The following HAUS8 variants were observed in gnomAD, a reference collection of about 807,000 sequenced individuals.
HAUS8 encodes the protein HAUS augmin like complex subunit 8, also known as HAUS augmin-like complex subunit 8.
In HAUS8, 38 loss-of-function variants were observed where a neutral mutation model predicts 42.9. The observed-to-expected ratio is 0.89, with a 90% CI of 0.68 to 1.16. HAUS8 has a LOEUF of 1.16. Among genes scored for constraint, HAUS8 ranks in the 50% most tolerant of loss-of-function variants. The pLI, the probability that HAUS8 is intolerant of heterozygous loss-of-function variation, is 0.00. For missense variants in HAUS8, 494 were observed against 511.6 expected (o/e 0.97, Z 0.33); for synonymous variants, 199 against 205.8 (o/e 0.97, Z 0.28).
At chr19:17,056,023 CAG>C (rs2057324126) in intron 8 of HAUS8, 21 bp from the exon 9 acceptor site, 2 of 1,613,354 alleles carry the variant, frequency 1.2e-6, no homozygotes, top group East Asian at 2.2e-5. Context: ...AAGGGATAAT[CAG>C]GGGAGACCCT....
At chr19:17,071,925 A>T (rs1230612883) in intron 2 of HAUS8, among the ~76,000 whole-genome samples, 4 of 152,056 alleles carry the variant, frequency 2.6e-5, no homozygotes, top group African/African-American at 4.8e-5. Flanking sequence ...GGCGGGAGCT[A>T]CAGTGAGCCG....
intron 9 of HAUS8, among the ~76,000 whole-genome samples, chr19:17,053,903 T>C (rs1189737112): frequency 2.6e-5 from 4 of 151,974 alleles, no homozygotes; most frequent in Non-Finnish European, 5.9e-5. Flanking sequence ...GACCTCGTGA[T>C]CCACCCGCCT....
intron 4 of HAUS8, chr19:17,060,391 C>T: frequency 3.4e-6 from 1 of 297,898 alleles, no homozygotes; most frequent in Non-Finnish European, 6.2e-6. Flanking sequence ...TGCCATATTC[C>T]CATTCTACCC....
chr19:17,071,070 T>TAAAA (rs66941823), intron 2 of HAUS8, among the ~76,000 whole-genome samples: 16 of 147,014 alleles, frequency 1.1e-4, no homozygotes, highest in African/African-American at 3.0e-4. Context: ...CTTTGTCTCA[T>TAAAA]AAAAAAAAAA....
At chr19:17,050,203 G>C in intron 10 of HAUS8, 27 bp from the exon 11 acceptor site, 1 of 1,460,320 alleles carries the variant, frequency 6.8e-7, no homozygotes, top group Non-Finnish European at 9.1e-7. Context: ...AAAGAATAAC[G>C]GCTTTCACCC....
chr19:17,070,798 A>G (rs373686682), intron 2 of HAUS8, among the ~76,000 whole-genome samples: 2 of 152,134 alleles, frequency 1.3e-5, no homozygotes, highest in Non-Finnish European at 2.9e-5. Context: ...GGCCAGGCGT[A>G]GTGGCTCACG....
intron 9 of HAUS8, 115 bp from the exon 10 acceptor site, chr19:17,053,081 GT>G: frequency 8.1e-7 from 1 of 1,232,056 alleles, no homozygotes; most frequent in Non-Finnish European, 1.2e-6. Flanking sequence ...CGCTGGAACC[GT>G]GGAGAGCGCA....
At position 17,055,955 on chromosome 19, in the gene HAUS8, C is replaced by A. The variant is rs780895067; in HGVS notation, c.693G>T (p.Glu231Asp). The A allele has an allele frequency of 2.5e-6, 4 of 1,614,064 alleles. No individual in the cohort carries two copies. Among genetic ancestry groups the A allele is most frequent in the Non-Finnish European group, 3.4e-6 (4 of 1,180,012 alleles). Residue 231 changes from glutamate (E) to aspartate (D), a missense_variant, in exon 9 of 11, where the codon GAG becomes GAT. Coordinates refer to ENST00000253669, the MANE Select transcript of HAUS8 (RefSeq NM_033417.2). ...GGGCCGTGGCGAATGTCCTGTATTG[C>A]TCCTTGAAGCGTGTGGCCACTGCCT... ...PFEAVATRFK[E>D]QYRTFATALD...
chr19:17,054,553 G>C (rs2057308201), intron 9 of HAUS8, among the ~76,000 whole-genome samples: 1 of 151,964 alleles, frequency 6.6e-6, no homozygotes, highest in Admixed American at 6.6e-5. Context: ...TGTAATCCCA[G>C]CACTTTGGGA....
intron 3 of HAUS8, among the ~76,000 whole-genome samples, chr19:17,064,670 G>A: frequency 6.6e-6 from 1 of 152,146 alleles, no homozygotes; most frequent in East Asian, 1.9e-4. Flanking sequence ...ACCCATACAT[G>A]AAAAAACGAA....
intron 2 of HAUS8, among the ~76,000 whole-genome samples, chr19:17,072,258 A>G (rs75479026): frequency 2.6e-5 from 4 of 151,000 alleles, no homozygotes; most frequent in African/African-American, 7.3e-5. Context: ...CACTGCACAC[A>G]CTGAGAAAAT....
chr19:17,055,888 G>A lies in HAUS8; in HGVS notation c.760C>T (p.Leu254=). ...AAGAGCTGCTGCCCATCTCCCTCCAGGTGGATGGACCTCACGGGCAGCTCG... is the reference window on the plus strand; with the variant it reads ...AAGAGCTGCTGCCCATCTCCCTCCAAGTGGATGGACCTCACGGGCAGCTCG... ...RHELPVRSIH[L]EGDGQQLLDA... Residue 254 remains leucine (L), a synonymous_variant, in exon 9 of 11, where the codon CTG becomes TTG. Coordinates refer to ENST00000253669, the MANE Select transcript of HAUS8 (RefSeq NM_033417.2). The A allele has an allele frequency of 6.2e-7, 1 of 1,614,144 alleles. No homozygotes were observed.
At chr19:17,072,328 C>T (rs1355158513) in intron 2 of HAUS8, among the ~76,000 whole-genome samples, 2 of 147,586 alleles carry the variant, frequency 1.4e-5, no homozygotes, top group Non-Finnish European at 3.0e-5. Flanking sequence ...CCATGCAAGC[C>T]GAGCATTTCC....
chr19:17,056,226 C>G (rs78090584), intron 8 of HAUS8, among the ~76,000 whole-genome samples: 5 of 152,148 alleles, frequency 3.3e-5, no homozygotes, highest in Admixed American at 2.0e-4. Flanking sequence ...TGTCTGCCAG[C>G]GGTTCTAGGC....
At position 17,055,955 on chromosome 19, in the gene HAUS8, C is replaced by T. The variant is rs780895067; in HGVS notation, c.693G>A (p.Glu231=). The T allele has an allele frequency of 2.7e-5, 44 of 1,614,064 alleles. 1 individual carries two copies. The South Asian group carries it at 4.6e-4, about 17-fold the overall frequency. Residue 231 remains glutamate (E), a synonymous_variant, in exon 9 of 11, where the codon GAG becomes GAA. Transcript: ENST00000253669. ...PFEAVATRFK[E]QYRTFATALD... ...GGGCCGTGGCGAATGTCCTGTATTG[C>T]TCCTTGAAGCGTGTGGCCACTGCCT...
chr19:17,056,684 G>A (rs1568635770), intron 8 of HAUS8, among the ~76,000 whole-genome samples: 1 of 152,026 alleles, frequency 6.6e-6, no homozygotes, highest in Non-Finnish European at 1.5e-5. Context: ...TCTGCCTCCC[G>A]GGTTCCAGCA....
chr19:17,059,623 C>A lies in HAUS8; in HGVS notation c.354G>T (p.Gln118His), dbSNP rs765570290. 4.3e-6 allele frequency: 7 copies of A among 1,613,760 alleles called. No individual in the cohort carries two copies. In the East Asian group the frequency reaches 1.1e-4, roughly 26 times the overall value. ...GTTTCTTTGATATTGTTTTTGCTAA[C>A]TGTGGCGTCTTTTTGACGATGCTTT... ...NDKSIVKKTP[Q>H]LAKTISKKPE... The change falls in exon 6 of 11, where the codon CAG (glutamine) becomes CAT (histidine). Residue 118 changes from glutamine (Q) to histidine (H), a missense_variant. By Grantham distance (24) the Gln-to-His change is conservative (BLOSUM62 0). Coordinates refer to ENST00000253669, the MANE Select transcript of HAUS8 (RefSeq NM_033417.2).
At chr19:17,066,580 T>C (rs2057388376) in intron 3 of HAUS8, among the ~76,000 whole-genome samples, 1 of 152,166 alleles carries the variant, frequency 6.6e-6, no homozygotes, top group Non-Finnish European at 1.5e-5. Context: ...CCTCACCCTA[T>C]AGGTTCTGAT....
At chr19:17,067,214 A>AG (rs1046163868) in intron 3 of HAUS8, among the ~76,000 whole-genome samples, 1 of 151,586 alleles carries the variant, frequency 6.6e-6, no homozygotes, top group Non-Finnish European at 1.5e-5. Flanking sequence ...CAAAAAAAAA[A>AG]AAAAAAGGAA....
Sources: gnomAD v4.1 joint callset for allele counts (sites outside exome capture counted in the v4.1 genomes callset) on GRCh38, gnomAD v4.1.1 for gene constraint, MANE v1.5 for transcripts, NCBI Gene and HGNC (gene_info 2026-07-23, HGNC 2026-07-21) for gene names.